Variants in PRKG1 observed in about 807,000 individuals in gnomAD.
PRKG1 encodes the protein cGMP-dependent protein kinase 1.
Under a neutral mutation model 88.1 loss-of-function variants are expected in PRKG1, and 35 were observed. The ratio of observed to expected loss-of-function variants is 0.40; its 90% CI spans 0.30 to 0.53. PRKG1 has a LOEUF of 0.53. Among genes scored for constraint, PRKG1 ranks in the 20% least tolerant of loss-of-function variants. The pLI, the probability that PRKG1 is intolerant of heterozygous loss-of-function variation, is 0.59. For synonymous variants in PRKG1, 303 were observed against 292.5 expected (o/e 1.04, Z -0.37); for missense variants, 540 against 839.8 (o/e 0.64, Z 4.41).
intron 2 of PRKG1, chr10:51,320,384 A>C (rs567832541): frequency 1.8e-4 from 29 of 160,962 alleles, no homozygotes; most frequent in East Asian, 1.7e-3. Flanking sequence ...AAGGAACTCA[A>C]CATTCAGGGC....
At chr10:52,286,976 ACTTT>A (rs1589760356) in intron 14 of PRKG1, among the ~76,000 whole-genome samples, 2 of 152,134 alleles carry the variant, frequency 1.3e-5, no homozygotes, top group Non-Finnish European at 2.9e-5. Flanking sequence ...GTTTTGGATG[ACTTT>A]CTTCTAAATA....
In PRKG1 at chr10:51,739,217, G is replaced by A. The variant is rs562461967; in HGVS notation, c.593-65368G>A. On this transcript the variant is annotated intron_variant, in intron 3 of 17. Transcript: ENST00000373980. ...GTCTTTTTTTCCCTAATTGCTCTGT[G>A]TGTGTTTTTTGAAATATCATATATT... is the stretch of plus-strand genomic sequence containing the variant. 2.6e-5 allele frequency among the ~76,000 whole-genome samples: 4 copies of A among 152,174 alleles called. No individual in the cohort carries two copies. The East Asian group carries it at 7.7e-4, about 29-fold the overall frequency.
intron 3 of PRKG1, among the ~76,000 whole-genome samples, chr10:51,701,254 C>T (rs1841457937): frequency 6.6e-6 from 1 of 152,154 alleles, no homozygotes; most frequent in African/African-American, 2.4e-5. Context: ...TTATTTTATT[C>T]TGAAATATGC....
At chr10:51,074,199 G>A, upstream of PRKG1, 1 of 160,684 alleles carries the variant, frequency 6.2e-6, no homozygotes, top group Non-Finnish European at 1.3e-5. Flanking sequence ...TTGGGCGCCC[G>A]GCGCGAGGGA....
intron 3 of PRKG1, among the ~76,000 whole-genome samples, chr10:51,740,317 T>C (rs1376342543): frequency 6.6e-6 from 1 of 152,192 alleles, no homozygotes; most frequent in Non-Finnish European, 1.5e-5. Context: ...GCTGGAAACA[T>C]AGCAACTGGC....
At chr10:51,699,589 G>T in intron 3 of PRKG1, 1 of 1,575,512 alleles carries the variant, frequency 6.3e-7, no homozygotes, top group South Asian at 1.2e-5. Context: ...GATTCTTCGA[G>T]GCGTCTGTCC....
rs550173289 is a variant in PRKG1, at chr10:51,218,638, A to T, written c.478+65308A>T. 9.3e-5 allele frequency among the ~76,000 whole-genome samples: 14 copies of T among 150,830 alleles called. 1 individual carries two copies. In the East Asian group the frequency reaches 2.5e-3, roughly 27 times the overall value. On this transcript the variant is annotated intron_variant, in intron 2 of 17. Transcript: ENST00000373980. ...ATGGGTAATTTTAAATGCATATTAA[A>T]TATAAACACCAATGCATAGAAATAT...
chr10:51,325,223 A>G (rs1042051715), intron 2 of PRKG1, among the ~76,000 whole-genome samples: 1 of 152,000 alleles, frequency 6.6e-6, no homozygotes, highest in Admixed American at 6.6e-5. Flanking sequence ...TTTAAATTTG[A>G]TGATAATGAT....
chr10:51,257,249 G>A (rs190705965), intron 2 of PRKG1, among the ~76,000 whole-genome samples: 4 of 151,146 alleles, frequency 2.6e-5, no homozygotes, highest in Non-Finnish European at 4.4e-5. Context: ...GCTTAGAGAT[G>A]CCCATCAGAC....
chr10:52,248,358 G>C (rs1282137807), intron 9 of PRKG1, among the ~76,000 whole-genome samples: 1 of 152,188 alleles, frequency 6.6e-6, no homozygotes, highest in Admixed American at 6.5e-5. Flanking sequence ...AAGATTTCTT[G>C]AGTGGAAAAG....
At chr10:51,328,296 A>G (rs1271729019) in intron 2 of PRKG1, among the ~76,000 whole-genome samples, 1 of 152,148 alleles carries the variant, frequency 6.6e-6, no homozygotes, top group East Asian at 1.9e-4. Context: ...TGTTGTCTCA[A>G]GTGACAAGAT....
At chr10:52,041,292 A>G (rs1306866907) in intron 5 of PRKG1, among the ~76,000 whole-genome samples, 1 of 152,170 alleles carries the variant, frequency 6.6e-6, no homozygotes, top group East Asian at 1.9e-4. Context: ...TTGATTGACA[A>G]TGTTGAACCA....
intron 3 of PRKG1, among the ~76,000 whole-genome samples, chr10:51,624,754 CTG>C (rs1276423449): frequency 6.6e-6 from 1 of 152,222 alleles, no homozygotes; most frequent in Non-Finnish European, 1.5e-5. Context: ...TCACAACAGA[CTG>C]TTATGAAATC....
intron 9 of PRKG1, among the ~76,000 whole-genome samples, chr10:52,176,730 T>G (rs1412463579): frequency 6.6e-6 from 1 of 152,150 alleles, no homozygotes; most frequent in Admixed American, 6.5e-5. Context: ...GACTTTCACC[T>G]CCTTTGTTGA....
At chr10:51,739,079 C>G (rs1051950154) in intron 3 of PRKG1, among the ~76,000 whole-genome samples, 3 of 152,144 alleles carry the variant, frequency 2.0e-5, no homozygotes, top group Non-Finnish European at 4.4e-5. Flanking sequence ...TAACAAGGAA[C>G]CTTGCATTTT....
At chr10:52,205,877 T>C (rs1839808015) in intron 9 of PRKG1, among the ~76,000 whole-genome samples, 1 of 152,168 alleles carries the variant, frequency 6.6e-6, no homozygotes, top group East Asian at 1.9e-4. Flanking sequence ...TTGGAGTGTC[T>C]GATGACTATG....
At chr10:51,866,246 A>T (rs1841012472) in intron 4 of PRKG1, among the ~76,000 whole-genome samples, 1 of 152,068 alleles carries the variant, frequency 6.6e-6, no homozygotes, top group Admixed American at 6.5e-5. Flanking sequence ...GATATAATTT[A>T]CGTAATATTA....
At chr10:52,164,865 C>G (rs1838388175) in intron 9 of PRKG1, among the ~76,000 whole-genome samples, 1 of 152,078 alleles carries the variant, frequency 6.6e-6, no homozygotes, top group South Asian at 2.1e-4. Flanking sequence ...ATCAAACTAA[C>G]ACATCTACCA....
At chr10:51,566,548 A>C (rs1430021216) in intron 3 of PRKG1, among the ~76,000 whole-genome samples, 1 of 152,088 alleles carries the variant, frequency 6.6e-6, no homozygotes, top group Non-Finnish European at 1.5e-5. Context: ...TATTTTTGAA[A>C]ATAATTTTTC....
Sources: allele counts gnomAD v4.1 joint callset (sites outside exome capture counted in the v4.1 genomes callset), GRCh38; gene constraint gnomAD v4.1.1; transcripts MANE v1.5; gene names NCBI Gene and HGNC (gene_info 2026-07-23, HGNC 2026-07-21).